Variants in EYS observed in about 807,000 individuals in gnomAD.
EYS encodes protein eyes shut homolog.
EYS carries 250 observed loss-of-function variants against 282.1 expected under a neutral mutation model. That is an observed-to-expected ratio of 0.89 (90% confidence interval 0.80 to 0.98). The LOEUF is 0.98. Ranked by LOEUF, EYS falls within the 50% of genes least tolerant of loss-of-function variation. The pLI, the probability that EYS is intolerant of heterozygous loss-of-function variation, is 0.00. For missense variants in EYS, 4,016 were observed against 3,709.0 expected (o/e 1.08, Z -2.15); for synonymous variants, 1,355 against 1,282.9 (o/e 1.06, Z -1.20).
chr6:65,278,646 T>C (rs979500566), intron 12 of EYS, among the ~76,000 whole-genome samples: 1 of 151,996 alleles, frequency 6.6e-6, no homozygotes, highest in African/African-American at 2.4e-5. Context: ...AAGGCCCAAG[T>C]CAGAGGAGTT....
intron 28 of EYS, among the ~76,000 whole-genome samples, chr6:64,425,379 G>T (rs551067996): frequency 3.4e-4 from 52 of 152,318 alleles, no homozygotes; most frequent in Admixed American, 2.8e-3. Context: ...AAGCAGCCAG[G>T]TGTGGTGGCT....
At chr6:65,023,531 T>A (rs1772310973) in intron 13 of EYS, among the ~76,000 whole-genome samples, 1 of 152,322 alleles carries the variant, frequency 6.6e-6, no homozygotes, top group South Asian at 2.1e-4. Context: ...TTGACATATG[T>A]TAATCCAAAA....
chr6:64,938,337 TGAGAGA>T (rs375999442), intron 15 of EYS, among the ~76,000 whole-genome samples: 4 of 148,422 alleles, frequency 2.7e-5, no homozygotes, highest in African/African-American at 4.9e-5. Context: ...TAAGATATTT[TGAGAGA>T]GAGAGAGAGA....
intron 5 of EYS, among the ~76,000 whole-genome samples, chr6:65,435,810 C>T (rs780066456): frequency 6.6e-6 from 1 of 151,912 alleles, no homozygotes; most frequent in African/African-American, 2.4e-5. Flanking sequence ...TGTGGGTGGG[C>T]CCTAATCCAA....
At chr6:64,404,057 CTATT>C (rs764828526) in intron 28 of EYS, among the ~76,000 whole-genome samples, 3 of 151,920 alleles carry the variant, frequency 2.0e-5, no homozygotes, top group Admixed American at 1.3e-4. Context: ...AGAGTGATGG[CTATT>C]TAATTATGTA....
intron 12 of EYS, among the ~76,000 whole-genome samples, chr6:65,138,323 A>T (rs537534574): frequency 3.7e-4 from 57 of 152,214 alleles, no homozygotes; most frequent in Middle Eastern, 3.4e-3. Context: ...CAATCTTCAC[A>T]TGTCTGCTTC....
chr6:65,381,794 GAAGA>G (rs1211426714), intron 8 of EYS, among the ~76,000 whole-genome samples: 2 of 151,578 alleles, frequency 1.3e-5, no homozygotes, highest in African/African-American at 4.8e-5. Context: ...AGTTTTGCAT[GAAGA>G]AACAAATACA....
intron 12 of EYS, among the ~76,000 whole-genome samples, chr6:65,272,013 T>G (rs184189423): frequency 1.3e-5 from 2 of 152,340 alleles, no homozygotes; most frequent in Non-Finnish European, 2.9e-5. Context: ...GTTCTCAGCA[T>G]ACATACAGCT....
intron 12 of EYS, among the ~76,000 whole-genome samples, chr6:65,245,883 G>T (rs1767166668): frequency 6.6e-6 from 1 of 151,896 alleles, no homozygotes; most frequent in Admixed American, 6.6e-5. Context: ...AAATAATATA[G>T]AATCTATTTA....
chr6:63,934,795 T>A (rs975498739), intron 35 of EYS, among the ~76,000 whole-genome samples: 3 of 151,666 alleles, frequency 2.0e-5, no homozygotes, highest in African/African-American at 7.3e-5. Flanking sequence ...ATATACCTAA[T>A]GTTAAATGAG....
At chr6:65,521,787 G>A (rs898761856) in intron 2 of EYS, among the ~76,000 whole-genome samples, 7 of 152,200 alleles carry the variant, frequency 4.6e-5, no homozygotes, top group East Asian at 3.9e-4. Context: ...ATGCCACTCC[G>A]TGTTAAGGGT....
chr6:64,663,680 A>G (rs150465242), intron 22 of EYS, among the ~76,000 whole-genome samples: 1 of 152,232 alleles, frequency 6.6e-6, no homozygotes, highest in East Asian at 1.9e-4. Flanking sequence ...CCCCTTAGTG[A>G]AAAATATTGA....
intron 26 of EYS, among the ~76,000 whole-genome samples, chr6:64,487,453 T>C (rs181175724): frequency 4.6e-5 from 7 of 151,192 alleles, no homozygotes; most frequent in Admixed American, 2.0e-4. Flanking sequence ...ATTTCCTTAG[T>C]ACAGCAACAA....
intron 2 of EYS, among the ~76,000 whole-genome samples, chr6:65,590,999 G>A (rs1007026636): frequency 1.3e-5 from 2 of 151,930 alleles, no homozygotes; most frequent in East Asian, 3.9e-4. Context: ...ACCCAGTGCT[G>A]GGATTGCTAT....
chr6:65,233,427 C>T (rs950916167), intron 12 of EYS, among the ~76,000 whole-genome samples: 3 of 152,088 alleles, frequency 2.0e-5, no homozygotes, highest in Non-Finnish European at 2.9e-5. Context: ...TTTCCCTGAT[C>T]ATATTTTCCC....
At chr6:63,781,647 G>C (rs1770230391) in intron 39 of EYS, among the ~76,000 whole-genome samples, 1 of 152,144 alleles carries the variant, frequency 6.6e-6, no homozygotes, top group African/African-American at 2.4e-5. Context: ...AGGAGATTTT[G>C]GGCTGAGACA....
chr6:63,793,627 G>C (rs1770571576), intron 37 of EYS, among the ~76,000 whole-genome samples: 2 of 152,148 alleles, frequency 1.3e-5, no homozygotes, highest in African/African-American at 4.8e-5. Flanking sequence ...GTCATTCTAA[G>C]CTTATTCTTA....
chr6:64,401,541 A>T (rs766512066), intron 28 of EYS, among the ~76,000 whole-genome samples: 12 of 152,044 alleles, frequency 7.9e-5, no homozygotes, highest in Non-Finnish European at 8.8e-5. Context: ...TTATTGATAC[A>T]TGATACTTGT....
chr6:64,786,035 T>C (rs1404968287), intron 22 of EYS, among the ~76,000 whole-genome samples: 1 of 152,146 alleles, frequency 6.6e-6, no homozygotes, highest in Non-Finnish European at 1.5e-5. Context: ...AAGAATTAAG[T>C]AAATAATCGT....
Sources: allele counts gnomAD v4.1 joint callset (sites outside exome capture counted in the v4.1 genomes callset), GRCh38; gene constraint gnomAD v4.1.1; transcripts MANE v1.5; gene names NCBI Gene and HGNC (gene_info 2026-07-23, HGNC 2026-07-21).